The following GPHN variants were observed in gnomAD, a reference collection of about 807,000 sequenced individuals.
GPHN encodes the protein gephyrin.
GPHN carries 17 observed loss-of-function variants against 95.5 expected under a neutral mutation model. The ratio of observed to expected loss-of-function variants is 0.18; its 90% CI spans 0.12 to 0.27. GPHN has a LOEUF of 0.27. GPHN is among the 10% of genes least tolerant of loss of function. The probability of loss-of-function intolerance (pLI) is 1.00; values close to 1 mark genes in which losing one functional copy is unlikely to be tolerated. For missense variants in GPHN, 660 were observed against 978.1 expected, an observed-to-expected ratio of 0.67 and a Z score of 4.34; for synonymous variants, 320 against 322.5, an observed-to-expected ratio of 0.99 and a Z score of 0.08.
At chr14:67,724,399 T>A in the GPHN span, 34 of 991,934 alleles carry the variant, frequency 3.4e-5, no homozygotes, top group Non-Finnish European at 5.1e-5. Flanking sequence ...AGAGTTTTTT[T>A]TTTTTTTTTT....
intron 1 of GPHN, among the ~76,000 whole-genome samples, chr14:66,578,633 C>T (rs1357099262): frequency 7.3e-6 from 1 of 137,818 alleles, no homozygotes; most frequent in East Asian, 2.3e-4. Context: ...CAACAGAAAC[C>T]CTGCAGGTCA....
chr14:67,048,060 A>G (rs924822541), intron 10 of GPHN, among the ~76,000 whole-genome samples: 1 of 152,230 alleles, frequency 6.6e-6, no homozygotes, highest in Non-Finnish European at 1.5e-5. Context: ...CTCCATTTCA[A>G]GATGACCACA....
the GPHN span, among the ~76,000 whole-genome samples, chr14:67,378,406 C>T: frequency 7.2e-6 from 1 of 139,132 alleles, no homozygotes. Context: ...ATTCTAACAA[C>T]AACCTGTGGT....
At chr14:67,286,879 A>G in the GPHN span, among the ~76,000 whole-genome samples, 3 of 151,292 alleles carry the variant, frequency 2.0e-5, no homozygotes, top group African/African-American at 4.9e-5. Context: ...AAAAAAGAAA[A>G]AAACTGTTCT....
chr14:66,943,517 GCAAA>G (rs1461607021), intron 8 of GPHN, among the ~76,000 whole-genome samples: 1 of 152,124 alleles, frequency 6.6e-6, no homozygotes, highest in African/African-American at 2.4e-5. Flanking sequence ...AAAACATTTA[GCAAA>G]CCTAGCACCT....
chr14:66,736,402 CTT>C lies in GPHN; in HGVS notation c.144-40050_144-40049del, dbSNP rs33964494. Among the ~76,000 whole-genome samples, 495 of 128,890 alleles carry C rather than the reference CTT, an allele frequency of 3.8e-3. 9 individuals are homozygous for C. The highest frequency in any genetic ancestry group is 0.014 in the African/African-American group (464 of 33,216). 84.6% of individuals were successfully genotyped at this position (128,890 alleles called of 152,430 possible). On this transcript the variant is annotated intron_variant, in intron 2 of 22. Coordinates refer to ENST00000478722, the MANE Select transcript of GPHN (RefSeq NM_020806.5). ...TAACTGTTTTCTTTCTTTTTTTTTT[CTT>C]TTTTTTTTTTTGAGATGGAGTTTTG...
chr14:67,240,168 A>C, the GPHN span, among the ~76,000 whole-genome samples: 2 of 152,188 alleles, frequency 1.3e-5, no homozygotes, highest in Non-Finnish European at 1.5e-5. Context: ...CAGAATGCTG[A>C]TCAGATTTGA....
chr14:67,158,678 C>G (rs1450685316), intron 18 of GPHN, among the ~76,000 whole-genome samples: 2 of 152,044 alleles, frequency 1.3e-5, no homozygotes, highest in Non-Finnish European at 2.9e-5. Context: ...TTCTTTCTGT[C>G]TACAACACCA....
intron 5 of GPHN, among the ~76,000 whole-genome samples, chr14:66,900,698 A>G (rs191535381): frequency 1.3e-5 from 2 of 152,024 alleles, no homozygotes; most frequent in Admixed American, 1.3e-4. Context: ...AGTTCCATCC[A>G]TGTTCCTGCA....
chr14:67,558,546 G>A, the GPHN span, among the ~76,000 whole-genome samples: 1 of 152,114 alleles, frequency 6.6e-6, no homozygotes, highest in Admixed American at 6.5e-5. Context: ...CAGCATCTTG[G>A]GGGTTGGTGG....
chr14:66,687,927 T>C (rs2067505042), intron 2 of GPHN, among the ~76,000 whole-genome samples: 1 of 152,208 alleles, frequency 6.6e-6, no homozygotes, highest in East Asian at 1.9e-4. Flanking sequence ...TAGGTACAGT[T>C]GATCCTTGAA....
chr14:66,929,379 T>A (rs2066658415), intron 8 of GPHN, among the ~76,000 whole-genome samples: 1 of 152,132 alleles, frequency 6.6e-6, no homozygotes, highest in Non-Finnish European at 1.5e-5. Flanking sequence ...GTCTGGAGAA[T>A]CTGTCCAATG....
At chr14:67,199,594 C>G in the GPHN span, 2 of 1,590,898 alleles carry the variant, frequency 1.3e-6, no homozygotes, top group Non-Finnish European at 8.6e-7. Flanking sequence ...CTTATGCCTT[C>G]GAGAAGGACT....
rs1170493639 is a variant in GPHN, at chr14:67,144,240, AAAAAAAAAAAATATAT to A, written c.1836+793_1836+808del. Reference sequence around the variant, plus strand: ...CAACACAGCAAGACCCTGTCTTAAAAAAAAAAAAAAATATATATATATATATATATATATATATATA... The same window carrying A: ...CAACACAGCAAGACCCTGTCTTAAAAATATATATATATATATATATATATA... On this transcript the variant is annotated intron_variant, in intron 18 of 22. Coordinates refer to ENST00000478722, the MANE Select transcript of GPHN (RefSeq NM_020806.5). Among the ~76,000 whole-genome samples, 26 of 54,524 alleles carry A rather than the reference AAAAAAAAAAAATATAT, an allele frequency of 4.8e-4. 6 individuals are homozygous for A. The highest frequency in any genetic ancestry group is 2.7e-3 in the African/African-American group (21 of 7,708). 35.8% of individuals were successfully genotyped at this position (54,524 alleles called of 152,430 possible).
At chr14:67,439,593 C>CTTTCT in the GPHN span, among the ~76,000 whole-genome samples, 29 of 109,794 alleles carry the variant, frequency 2.6e-4, no homozygotes, top group African/African-American at 8.5e-4. Context: ...TTCTTTCTTT[C>CTTTCT]TTCTTTCTTT....
At chr14:67,574,303 G>T in the GPHN span, 10 of 1,607,354 alleles carry the variant, frequency 6.2e-6, no homozygotes, top group Non-Finnish European at 8.5e-6. This position sits in a 1 kb window ranked among gnomAD's most constrained non-coding sequence, Gnocchi z 4.2. Flanking sequence ...CTGGAGGAGT[G>T]GATCCGAGTA....
chr14:66,653,848 T>C (rs1340933766), intron 1 of GPHN, among the ~76,000 whole-genome samples: 1 of 152,182 alleles, frequency 6.6e-6, no homozygotes, highest in Non-Finnish European at 1.5e-5. Context: ...CTAGGTTGCT[T>C]TCAATTGTGG....
the GPHN span, among the ~76,000 whole-genome samples, chr14:67,683,622 T>G: frequency 6.6e-6 from 1 of 152,132 alleles, no homozygotes; most frequent in African/African-American, 2.4e-5. Context: ...AGAGTAAAAA[T>G]GAAGGGATAG....
At chr14:67,238,707 G>A in the GPHN span, among the ~76,000 whole-genome samples, 2 of 151,920 alleles carry the variant, frequency 1.3e-5, no homozygotes, top group Non-Finnish European at 2.9e-5. Context: ...GCAGTGGTGT[G>A]ATCTCAGCTT....
Sources: allele counts gnomAD v4.1 joint callset (sites outside exome capture counted in the v4.1 genomes callset), GRCh38; gene constraint gnomAD v4.1.1; non-coding constraint Gnocchi (gnomAD v3.1); transcripts MANE v1.5; gene names NCBI Gene and HGNC (gene_info 2026-07-23, HGNC 2026-07-21).